Variants in ASCC3 observed in about 807,000 individuals in gnomAD.
ASCC3 encodes activating signal cointegrator 1 complex subunit 3.
In ASCC3, 158 loss-of-function variants were observed where a neutral mutation model predicts 256.3. The observed-to-expected ratio is 0.62, with a 90% CI of 0.54 to 0.70. The LOEUF is 0.70. ASCC3 is among the 30% of genes least tolerant of loss of function. The pLI is 0.00. For synonymous variants in ASCC3, 948 were observed against 883.4 expected (o/e 1.07, Z -1.30); for missense variants, 2,259 against 2,626.0 (o/e 0.86, Z 3.05).
rs17061113 is a variant in ASCC3 at position 100,801,384 on chromosome 6, T to C, written c.923-880A>G. Among the ~76,000 whole-genome samples the C allele has an allele frequency of 0.013, 1,935 of 152,226 alleles. 98 individuals carry two copies. The East Asian group carries it at 0.15, about 12-fold the overall frequency. On this transcript the variant is annotated intron_variant, in intron 5 of 41. Coordinates refer to ENST00000369162, the MANE Select transcript of ASCC3 (RefSeq NM_006828.4). ...GAAGAATGAGATTTGGTCCATACTC[T>C]GACAAAGCACAGTGCAAATTATTTT...
intron 11 of ASCC3, among the ~76,000 whole-genome samples, chr6:100,722,515 G>A (rs988988576): frequency 2.6e-5 from 4 of 151,666 alleles, no homozygotes; most frequent in African/African-American, 9.7e-5. Flanking sequence ...TCATGCATAT[G>A]CACCCAATTC....
At chr6:100,613,547 T>C (rs1773515587) in intron 30 of ASCC3, among the ~76,000 whole-genome samples, 2 of 152,168 alleles carry the variant, frequency 1.3e-5, no homozygotes, top group Admixed American at 1.3e-4. Context: ...CAATCATTTA[T>C]TGATGGATAC....
chr6:100,701,579 G>A (rs562654201), intron 13 of ASCC3, among the ~76,000 whole-genome samples: 1 of 152,270 alleles, frequency 6.6e-6, no homozygotes, highest in East Asian at 1.9e-4. Context: ...CATGCATTAA[G>A]CAACGCATGT....
intron 30 of ASCC3, among the ~76,000 whole-genome samples, chr6:100,619,216 C>T (rs1346915231): frequency 6.6e-6 from 1 of 152,186 alleles, no homozygotes; most frequent in Non-Finnish European, 1.5e-5. Flanking sequence ...TTTGCCTTCT[C>T]TTCCCTATAA....
At chr6:100,545,065 C>A (rs1775643101) in intron 36 of ASCC3, among the ~76,000 whole-genome samples, 2 of 152,042 alleles carry the variant, frequency 1.3e-5, no homozygotes, top group South Asian at 4.1e-4. Flanking sequence ...ATTATCATCT[C>A]AGTTATACAG....
chr6:100,619,755 C>T (rs992982184), intron 30 of ASCC3, among the ~76,000 whole-genome samples: 1 of 152,104 alleles, frequency 6.6e-6, no homozygotes, highest in Non-Finnish European at 1.5e-5. Flanking sequence ...TTTTATTCCT[C>T]TTCCCTCTTT....
At chr6:100,738,714 C>A (rs1251778921) in intron 10 of ASCC3, among the ~76,000 whole-genome samples, 1 of 152,048 alleles carries the variant, frequency 6.6e-6, no homozygotes, top group Non-Finnish European at 1.5e-5. Flanking sequence ...TTTTTTGTTC[C>A]ACATGAATTT....
chr6:100,628,090 A>C, intron 27 of ASCC3, 103 bp from the exon 28 acceptor site: 1 of 1,226,442 alleles, frequency 8.2e-7, no homozygotes, highest in Non-Finnish European at 1.1e-6. Flanking sequence ...AAAAACAAAA[A>C]CAAAAAAAAA....
intron 12 of ASCC3, among the ~76,000 whole-genome samples, chr6:100,716,959 T>C (rs905129331): frequency 1.3e-5 from 2 of 151,902 alleles, no homozygotes; most frequent in African/African-American, 4.8e-5. Flanking sequence ...TCTATCCTAC[T>C]GATATGTTAA....
At chr6:100,718,573 C>T (rs1779188437) in intron 11 of ASCC3, among the ~76,000 whole-genome samples, 1 of 151,746 alleles carries the variant, frequency 6.6e-6, no homozygotes, top group Non-Finnish European at 1.5e-5. Flanking sequence ...GCCTAGGCAA[C>T]ATGGCAAAAC....
chr6:100,763,722 T>C (rs897155794), intron 10 of ASCC3, among the ~76,000 whole-genome samples: 1 of 152,220 alleles, frequency 6.6e-6, no homozygotes, highest in African/African-American at 2.4e-5. Flanking sequence ...GTCCACAATG[T>C]TAATTACCCA....
intron 13 of ASCC3, among the ~76,000 whole-genome samples, chr6:100,682,770 C>T (rs1207854119): frequency 6.6e-6 from 1 of 152,164 alleles, no homozygotes; most frequent in African/African-American, 2.4e-5. Context: ...AAGGAGGCTA[C>T]AGTTGTATTT....
chr6:100,880,480 T>C (rs1769244716), intron 1 of ASCC3, among the ~76,000 whole-genome samples: 1 of 152,210 alleles, frequency 6.6e-6, no homozygotes. Flanking sequence ...ATTAGCACAC[T>C]GCATTCCATG....
At position 100,864,197 on chromosome 6, in the gene ASCC3, A is replaced by G; in HGVS notation, c.108T>C (p.Leu36=). ...VADLKIKRSK[L]HEQVLDLGLT... Reference sequence around the variant, plus strand: ...GGCCCAAATCTAAAACTTGTTCATGAAGTTTAGATCGCTTTATCTGAAACA... The same window carrying G: ...GGCCCAAATCTAAAACTTGTTCATGGAGTTTAGATCGCTTTATCTGAAACA... Residue 36 remains leucine, a synonymous_variant, in exon 3 of 42, where the codon CTT becomes CTC. Transcript: ENST00000369162. The G allele has an allele frequency of 6.2e-7, 1 of 1,604,908 alleles. No homozygotes were observed. The highest frequency in any genetic ancestry group is 8.5e-7 in the Non-Finnish European group (1 of 1,174,254).
chr6:100,720,563 G>A (rs12194255), intron 11 of ASCC3, among the ~76,000 whole-genome samples: 75,553 of 151,484 alleles, frequency 0.5, 18,951 homozygotes, highest in South Asian at 0.69. Flanking sequence ...TTTAAAAGGA[G>A]GTAGGGGAAA....
In ASCC3 at chr6:100,749,247, CTAAG is replaced by C. The variant is rs368693411; in HGVS notation, c.1737+17314_1737+17317del. Among the ~76,000 whole-genome samples the C allele has an allele frequency of 1.0e-3, 157 of 152,008 alleles. 1 individual carries two copies. The Middle Eastern group carries it at 0.014, about 13-fold the overall frequency. Reference sequence around the variant, plus strand: ...GAAGTACACAGTTAACTTGGTATATCTAAGATAGGAATACTCTGCAGCTATCAAA... The same window carrying C: ...GAAGTACACAGTTAACTTGGTATATCATAGGAATACTCTGCAGCTATCAAA... On this transcript the variant is annotated intron_variant, in intron 10 of 41. Coordinates refer to ENST00000369162, the MANE Select transcript of ASCC3 (RefSeq NM_006828.4).
At chr6:100,796,238 C>A (rs1056171067) in intron 8 of ASCC3, among the ~76,000 whole-genome samples, 1 of 152,148 alleles carries the variant, frequency 6.6e-6, no homozygotes, top group Non-Finnish European at 1.5e-5. Flanking sequence ...TATCGAATTG[C>A]TCATGGCTGT....
At chr6:100,535,579 C>T (rs556040289) in intron 37 of ASCC3, among the ~76,000 whole-genome samples, 28 of 147,260 alleles carry the variant, frequency 1.9e-4, no homozygotes, top group African/African-American at 5.7e-4. Flanking sequence ...AAGCAGTTCT[C>T]GGCCTCAGCC....
chr6:100,626,758 C>T (rs1774256423), intron 29 of ASCC3, among the ~76,000 whole-genome samples: 1 of 151,988 alleles, frequency 6.6e-6, no homozygotes, highest in Non-Finnish European at 1.5e-5. Context: ...CATATTAGTA[C>T]AATATTGATA....
Sources: allele counts gnomAD v4.1 joint callset (sites outside exome capture counted in the v4.1 genomes callset), GRCh38; gene constraint gnomAD v4.1.1; transcripts MANE v1.5; gene names NCBI Gene and HGNC (gene_info 2026-07-23, HGNC 2026-07-21).